DRC8: variants seen among roughly 807,000 people sequenced by gnomAD.
DRC8 encodes dynein regulatory complex subunit 8, also known as dynein regulatory complex protein 8.
At chr1:245,100,977 C>T in the DRC8 span, among the ~76,000 whole-genome samples, 9 of 151,958 alleles carry the variant, frequency 5.9e-5, no homozygotes, top group East Asian at 1.9e-4. Context: ...CTCCGCCTCC[C>T]GGGTTCCAGC....
At chr1:245,017,474 T>C in the DRC8 span, 2 of 789,184 alleles carry the variant, frequency 2.5e-6, no homozygotes, top group Non-Finnish European at 3.8e-6. Context: ...AAAAGGTCTT[T>C]GCTAGCTATT....
the DRC8 span, among the ~76,000 whole-genome samples, chr1:245,102,117 C>T: frequency 2.0e-5 from 3 of 152,198 alleles, no homozygotes; most frequent in African/African-American, 7.2e-5. Context: ...AGACACACAA[C>T]TCACTGGTTA....
At chr1:245,078,824 A>G in the DRC8 span, among the ~76,000 whole-genome samples, 1 of 152,238 alleles carries the variant, frequency 6.6e-6, no homozygotes, top group African/African-American at 2.4e-5. Flanking sequence ...CACCACACAT[A>G]CAAAAAAGGT....
At chr1:245,110,859 C>T in the DRC8 span, among the ~76,000 whole-genome samples, 2 of 152,348 alleles carry the variant, frequency 1.3e-5, no homozygotes, top group East Asian at 3.9e-4. Flanking sequence ...TTGACACCAA[C>T]AGCCAGAAGG....
At chr1:245,020,940 G>A in the DRC8 span, among the ~76,000 whole-genome samples, 2 of 151,844 alleles carry the variant, frequency 1.3e-5, no homozygotes, top group South Asian at 2.1e-4. Context: ...TTATACTGGA[G>A]TTTTTCAAAG....
At chr1:245,032,670 T>C in the DRC8 span, among the ~76,000 whole-genome samples, 1 of 152,228 alleles carries the variant, frequency 6.6e-6, no homozygotes, top group Non-Finnish European at 1.5e-5. Flanking sequence ...CTTTTCTCTA[T>C]ATACAGTGTG....
At chr1:245,057,785 G>A in the DRC8 span, among the ~76,000 whole-genome samples, 12 of 151,980 alleles carry the variant, frequency 7.9e-5, no homozygotes, top group Admixed American at 1.3e-4. Context: ...GTTTATCTTT[G>A]TGTTGGGAAC....
At chr1:245,041,744 C>G in the DRC8 span, among the ~76,000 whole-genome samples, 9 of 152,206 alleles carry the variant, frequency 5.9e-5, no homozygotes, top group Non-Finnish European at 1.0e-4. Context: ...GGGGTGGGCC[C>G]TAATCCAATC....
chr1:245,035,303 C>T, the DRC8 span, among the ~76,000 whole-genome samples: 21 of 151,800 alleles, frequency 1.4e-4, no homozygotes, highest in Non-Finnish European at 2.9e-4. Context: ...TCCCATTTCC[C>T]GATCTCAAAA....
At chr1:245,076,902 T>A in the DRC8 span, among the ~76,000 whole-genome samples, 1 of 152,100 alleles carries the variant, frequency 6.6e-6, no homozygotes, top group Non-Finnish European at 1.5e-5. Flanking sequence ...AATTTTTGTA[T>A]TTTTAGTAGA....
the DRC8 span, among the ~76,000 whole-genome samples, chr1:245,084,058 T>C: frequency 0.1 from 2,967 of 29,148 alleles, 88 homozygotes; most frequent in Non-Finnish European, 0.16. Flanking sequence ...AATATAAAAA[T>C]TCCGCCCCCC....
chr1:245,026,631 C>T, the DRC8 span, among the ~76,000 whole-genome samples: 1 of 151,998 alleles, frequency 6.6e-6, no homozygotes, highest in Non-Finnish European at 1.5e-5. Flanking sequence ...GTCCACACAC[C>T]CCTCAATAAG....
the DRC8 span, among the ~76,000 whole-genome samples, chr1:244,976,317 T>G: frequency 3.3e-5 from 5 of 152,142 alleles, 1 homozygote; most frequent in South Asian, 1.0e-3. Flanking sequence ...CTTTTAAGTC[T>G]TACCAATTGG....
the DRC8 span, among the ~76,000 whole-genome samples, chr1:245,090,572 T>C: frequency 6.6e-6 from 1 of 152,150 alleles, no homozygotes; most frequent in Non-Finnish European, 1.5e-5. Context: ...AAGGTGACAA[T>C]CAAGAAGTTA....
the DRC8 span, among the ~76,000 whole-genome samples, chr1:245,021,045 T>A: frequency 1.3e-5 from 2 of 152,216 alleles, 1 homozygote; most frequent in African/African-American, 4.8e-5. Flanking sequence ...ATATTTACAT[T>A]GAACGTATGT....
At chr1:245,051,118 C>T in the DRC8 span, among the ~76,000 whole-genome samples, 1 of 152,034 alleles carries the variant, frequency 6.6e-6, no homozygotes, top group African/African-American at 2.4e-5. Context: ...AGCAACCTGG[C>T]CAGGCTCATG....
the DRC8 span, chr1:245,030,714 G>A: frequency 7.2e-5 from 11 of 152,206 alleles, 1 homozygote; most frequent in African/African-American, 2.2e-4. Flanking sequence ...ACTCCTTTGC[G>A]TCTACCTCCT....
the DRC8 span, among the ~76,000 whole-genome samples, chr1:245,057,574 G>A: frequency 9.2e-5 from 14 of 152,044 alleles, no homozygotes; most frequent in Non-Finnish European, 1.0e-4. Flanking sequence ...TGTAGTTGGT[G>A]GCTGCTGTTT....
chr1:245,055,995 C>T, the DRC8 span, among the ~76,000 whole-genome samples: 67 of 152,344 alleles, frequency 4.4e-4, no homozygotes, highest in African/African-American at 1.5e-3. Flanking sequence ...CCTTGAACCC[C>T]TGGCCTCCAG....
Sources: gnomAD v4.1 joint callset for allele counts (sites outside exome capture counted in the v4.1 genomes callset) on GRCh38, gnomAD v4.1.1 for gene constraint, MANE v1.5 for transcripts, NCBI Gene and HGNC (gene_info 2026-07-23, HGNC 2026-07-21) for gene names.